Variants in ZNF157 observed in about 807,000 individuals in gnomAD.
ZNF157 encodes the protein zinc finger protein 157.
Under a neutral mutation model 9.4 loss-of-function variants are expected in ZNF157, and 8 were observed. That is an observed-to-expected ratio of 0.85 (90% CI 0.50 to 1.53). The LOEUF (loss-of-function observed/expected upper bound fraction) is 1.53, where lower values mean the gene tolerates loss of function less well. ZNF157 is among the 40% of genes most tolerant of loss of function. The pLI is 0.00. For synonymous variants in ZNF157, 120 were observed against 130.8 expected, an observed-to-expected ratio of 0.92 and a Z score of 0.56; for missense variants, 316 against 385.2, an observed-to-expected ratio of 0.82 and a Z score of 1.50.
chrX:47,410,174 A>G (rs896355128), intron 1 of ZNF157, 102 bp from the exon 2 acceptor site: 17 of 1,092,596 alleles, frequency 1.6e-5, no homozygotes, highest in Non-Finnish European at 1.9e-5. Flanking sequence ...TATCCAGTGT[A>G]GCTCTATTTA....
intron 1 of ZNF157, 92 bp from the exon 2 acceptor site, chrX:47,410,184 A>G (rs762538165): frequency 4.4e-6 from 5 of 1,136,356 alleles, no homozygotes; most frequent in Non-Finnish European, 6.0e-6. Context: ...AGCTCTATTT[A>G]GTCAACTTTC....
In ZNF157 at chrX:47,390,041, G is replaced by A. The variant is rs1238071350; in HGVS notation, c.72+19301G>A. ...AGTCTATCTTCCCTTCCTGTTTGAT[G>A]TCTTCATGCTTTTCCAGCACTCTTT... On this transcript the variant is annotated intron_variant, in intron 1 of 3. Transcript: ENST00000377073. 3.6e-5 allele frequency: 4 copies of A among 111,900 alleles called. No homozygotes were observed. The Admixed American group carries it at 3.8e-4, about 11-fold the overall frequency. 9.2% of individuals were successfully genotyped at this position (111,900 alleles called of 1,213,427 possible).
rs1343094447 is a variant in ZNF157, at chrX:47,413,245, G to A, written c.1172G>A (p.Cys391Tyr). 2.5e-6 allele frequency: 3 copies of A among 1,211,865 alleles called. No individual in the cohort carries two copies. Among genetic ancestry groups the A allele is most frequent in the Non-Finnish European group, 3.4e-6 (3 of 895,503 alleles). Reference protein sequence around the residue: ...TGEKPYECNECGNAFYVKARL... With the variant: ...TGEKPYECNEYGNAFYVKARL... ...GAGAAACCTTACGAATGTAATGAGT[G>A]TGGTAATGCTTTCTATGTGAAAGCA... is the stretch of plus-strand genomic sequence containing the variant. The change falls in exon 4 of 4, where the codon TGT (cysteine) becomes TAT (tyrosine). Residue 391 changes from cysteine (C) to tyrosine (Y), a missense_variant. This residue lies in a region of ZNF157 where 167 missense variants were observed against 183.6 expected (regional missense o/e 0.91). Coordinates refer to ENST00000377073, the MANE Select transcript of ZNF157 (RefSeq NM_003446.4).
At chrX:47,379,411 TA>T (rs1192074417) in intron 1 of ZNF157, among the ~76,000 whole-genome samples, 1 of 103,110 alleles carries the variant, frequency 9.7e-6, no homozygotes, top group African/African-American at 4.0e-5. Flanking sequence ...CATTTTGAGT[TA>T]ATTTTTTTTT....
At chrX:47,400,323 C>CTTA (rs1159407173) in intron 1 of ZNF157, among the ~76,000 whole-genome samples, 4 of 110,306 alleles carry the variant, frequency 3.6e-5, no homozygotes, top group Admixed American at 9.8e-5. Context: ...CTCTATCTCT[C>CTTA]TTATTATTAT....
chrX:47,396,373 C>T (rs997723181), intron 1 of ZNF157, among the ~76,000 whole-genome samples: 2 of 110,366 alleles, frequency 1.8e-5, no homozygotes, highest in Non-Finnish European at 3.8e-5. Context: ...AACCTTGTCT[C>T]TACTGAAAAG....
rs753590856 is a variant in ZNF157 at position 47,412,759 on chromosome X, G to T, written c.686G>T (p.Arg229Met). The T allele has an allele frequency of 1.7e-6, 2 of 1,208,724 alleles. No individual in the cohort carries two copies. The highest frequency in any genetic ancestry group is 5.9e-5 in the East Asian group (2 of 33,694). Residue 229 changes from arginine to methionine, a missense_variant, in exon 4 of 4, where the codon AGG becomes ATG. Arg to Met is a moderately conservative substitution (Grantham distance 91). Around this residue, in one of 3 missense-constraint regions of ZNF157, gnomAD observed 146 missense variants for 183.8 expected, o/e 0.79. Coordinates refer to ENST00000377073, the MANE Select transcript of ZNF157 (RefSeq NM_003446.4). ...AATGAATGTGGGAAATCTTTTGGCA[G>T]GAAGTCACAACTCATCCTACATACA... Reference protein sequence around the residue: ...ECNECGKSFGRKSQLILHTRT... With the variant: ...ECNECGKSFGMKSQLILHTRT...
At position 47,377,731 on chromosome X, in the gene ZNF157, CTT is replaced by C. The variant is rs1160508436; in HGVS notation, c.72+7007_72+7008del. Among the ~76,000 whole-genome samples, 433 of 86,705 alleles carry C rather than the reference CTT, an allele frequency of 5.0e-3. 2 individuals carry two copies. The highest frequency in any genetic ancestry group is 0.015 in the African/African-American group (334 of 22,165). 75.3% of individuals were successfully genotyped at this position (86,705 alleles called of 115,157 possible). A position where few individuals can be genotyped will look rare whatever the true frequency, so the allele number is the denominator to read the frequency against. ...ACAGGTGTGAGCCACCATGCCCAGCCTTTTTTTTTTTTTTTTTAAAAAAAACC... is the reference window on the plus strand; with the variant it reads ...ACAGGTGTGAGCCACCATGCCCAGCCTTTTTTTTTTTTTTTAAAAAAAACC... On this transcript the variant is annotated intron_variant, in intron 1 of 3. Transcript: ENST00000377073.
chrX:47,387,886 CAAAAAAAAAA>C (rs781763726), intron 1 of ZNF157, among the ~76,000 whole-genome samples: 3 of 34,536 alleles, frequency 8.7e-5, no homozygotes, highest in African/African-American at 1.2e-4. Context: ...GACTCTGTCT[CAAAAAAAAAA>C]AAAAAAAAAA....
rs192327591 is a variant in ZNF157 at position 47,405,304 on chromosome X, G to A, written c.73-4972G>A. On this transcript the variant is annotated intron_variant, in intron 1 of 3. Transcript: ENST00000377073. Reference sequence around the variant, plus strand: ...CTCAGGAGGCTGAGGCAGGAGAATCGCTTGAACCTCAGAGGTGGAGGTTGC... The same window carrying A: ...CTCAGGAGGCTGAGGCAGGAGAATCACTTGAACCTCAGAGGTGGAGGTTGC... Among the ~76,000 whole-genome samples, 36 of 110,133 alleles carry A rather than the reference G, an allele frequency of 3.3e-4. No homozygotes were observed. The East Asian group carries it at 7.7e-3, about 23-fold the overall frequency.
At chrX:47,408,150 T>TAGAGTGCA (rs1184811480) in intron 1 of ZNF157, among the ~76,000 whole-genome samples, 2 of 110,006 alleles carry the variant, frequency 1.8e-5, no homozygotes, top group African/African-American at 6.6e-5. Flanking sequence ...TCACCCAGGC[T>TAGAGTGCA]AGAGTGCAAG....
chrX:47,391,901 T>C (rs1249533752), intron 1 of ZNF157, among the ~76,000 whole-genome samples: 3 of 106,644 alleles, frequency 2.8e-5, no homozygotes, highest in Non-Finnish European at 5.8e-5. Context: ...GATTTTTTTT[T>C]TTTTTTGAGA....
At chrX:47,394,118 C>T (rs767866472) in intron 1 of ZNF157, among the ~76,000 whole-genome samples, 3 of 109,745 alleles carry the variant, frequency 2.7e-5, no homozygotes, top group African/African-American at 9.9e-5. Context: ...CCCGCCACCA[C>T]GCCCGGCTAA....
chrX:47,383,996 G>A (rs1359859429), intron 1 of ZNF157, among the ~76,000 whole-genome samples: 2 of 110,153 alleles, frequency 1.8e-5, no homozygotes, highest in Non-Finnish European at 3.8e-5. Context: ...GTGGCTGGGT[G>A]CGGTTGCTCA....
At chrX:47,377,828 G>T (rs1016184260) in intron 1 of ZNF157, among the ~76,000 whole-genome samples, 10 of 108,325 alleles carry the variant, frequency 9.2e-5, no homozygotes, top group Non-Finnish European at 1.7e-4. Context: ...TGATGTTGAG[G>T]ACCTTTTTAT....
At chrX:47,391,019 A>G (rs1442636942) in intron 1 of ZNF157, 2 of 110,891 alleles carry the variant, frequency 1.8e-5, no homozygotes, top group Non-Finnish European at 3.8e-5. Flanking sequence ...TTGTTCTTCC[A>G]CTTACCTTTT....
chrX:47,386,992 G>T (rs1054287507), intron 1 of ZNF157, among the ~76,000 whole-genome samples: 3 of 110,978 alleles, frequency 2.7e-5, no homozygotes, highest in Non-Finnish European at 5.7e-5. Flanking sequence ...TTTTGAGATG[G>T]AGTCTCACTC....
chrX:47,372,940 C>T (rs992122804), intron 1 of ZNF157, among the ~76,000 whole-genome samples: 15 of 109,851 alleles, frequency 1.4e-4, no homozygotes, highest in Non-Finnish European at 2.3e-4. Context: ...TGGCTCATGC[C>T]TGTAATTCCA....
intron 1 of ZNF157, among the ~76,000 whole-genome samples, chrX:47,401,566 C>T (rs2055930542): frequency 9.0e-6 from 1 of 111,637 alleles, no homozygotes; most frequent in Admixed American, 9.7e-5. Context: ...GGGTAGTAGG[C>T]AGTGACAGCA....
Sources: gnomAD v4.1 joint callset for allele counts (sites outside exome capture counted in the v4.1 genomes callset) on GRCh38, gnomAD v4.1.1 for gene constraint, gnomAD v4.1.1 regional missense constraint, MANE v1.5 for transcripts, NCBI Gene and HGNC (gene_info 2026-07-23, HGNC 2026-07-21) for gene names.